HEATR1: variants seen among roughly 807,000 people sequenced by gnomAD.
The protein encoded by HEATR1 is HEAT repeat containing 1.
HEATR1 carries 77 observed loss-of-function variants against 248.2 expected under a neutral mutation model. That is an observed-to-expected ratio of 0.31 (90% CI 0.26 to 0.37). The LOEUF is 0.37. Ranked by LOEUF, HEATR1 falls within the 10% of genes least tolerant of loss-of-function variation. The pLI is 1.00. For missense variants in HEATR1, 2,420 were observed against 2,504.9 expected (o/e 0.97, Z 0.72); for synonymous variants, 897 against 923.1 (o/e 0.97, Z 0.51).
rs760107933 is a variant in HEATR1 at position 236,554,688 on chromosome 1, C to G, written c.5988G>C (p.Leu1996Phe). 1 of 1,613,136 alleles carries G rather than the reference C, an allele frequency of 6.2e-7. No individual in the cohort carries two copies. The highest frequency in any genetic ancestry group is 8.5e-7 in the Non-Finnish European group (1 of 1,179,650). Reference sequence around the variant, plus strand: ...AAAGGAAGATTTTGTATAAACAGTTCAAAATAAACTGCAACAGCAAGCAGC... The same window carrying G: ...AAAGGAAGATTTTGTATAAACAGTTGAAAATAAACTGCAACAGCAAGCAGC... ...EKCCLLLQFI[L>F]NCLYKIFLFD... Residue 1996 changes from leucine to phenylalanine, a missense_variant, in exon 42 of 45, where the codon TTG becomes TTC. By Grantham distance (22) the Leu-to-Phe change is conservative. Transcript: ENST00000366582.
At chr1:236,571,800 T>A in intron 26 of HEATR1, 114 bp from the exon 27 acceptor site, 1 of 713,924 alleles carries the variant, frequency 1.4e-6, no homozygotes, top group South Asian at 1.6e-5. Context: ...CAATAAGGAA[T>A]AACTAAAATA....
At chr1:236,557,495 T>A (rs1400447842) in intron 36 of HEATR1, 150 bp from the exon 37 acceptor site, 1 of 743,954 alleles carries the variant, frequency 1.3e-6, no homozygotes, top group Admixed American at 2.9e-5. Flanking sequence ...ATACATTTTA[T>A]GTGGCTAAGC....
intron 28 of HEATR1, among the ~76,000 whole-genome samples, chr1:236,570,084 C>T (rs546857534): frequency 1.3e-5 from 2 of 152,124 alleles, no homozygotes; most frequent in South Asian, 2.1e-4. Flanking sequence ...ATCAGGAGAT[C>T]GAGACCATCC....
rs776445716 is a variant in HEATR1 at position 236,582,817 on chromosome 1, G to C, written c.2481C>G (p.His827Gln). 1.9e-6 allele frequency: 3 copies of C among 1,614,046 alleles called. No homozygotes were observed. The highest frequency in any genetic ancestry group is 2.5e-6 in the Non-Finnish European group (3 of 1,179,884). ...QLKEDSRDYL[H>Q]LLIGLFEMML... is the part of the protein sequence containing the mutation. ...TCATCTCAAACAGCCCAATGAGCAA[G>C]TGCAGATAGTCCCTGCTGTCTTCTT... is the stretch of plus-strand genomic sequence containing the variant. The change falls in exon 19 of 45, where the codon CAC (histidine) becomes CAG (glutamine). Residue 827 changes from histidine to glutamine, a missense_variant. By Grantham distance (24) the His-to-Gln change is conservative. Transcript: ENST00000366582.
At chr1:236,563,122 A>C (rs1380943457) in intron 32 of HEATR1, among the ~76,000 whole-genome samples, 1 of 152,168 alleles carries the variant, frequency 6.6e-6, no homozygotes, top group Non-Finnish European at 1.5e-5. Flanking sequence ...AATAGAAACA[A>C]TGACAGAGGA....
Position 236,603,168 on chromosome 1 carries a change from C to T in HEATR1, c.351G>A (p.Leu117=). The stretch of plus-strand genomic sequence containing the variant: ...GTAATTCTATTAGCTACCTGTGAAT[C>T]AACCACTCCAGACACTTCTGTGCTG... ...LKPAQKCLEW[L]IHRFHIHLYN... is the part of the protein sequence containing the mutation. Residue 117 remains leucine (L), a synonymous_variant, in exon 3 of 45, where the codon TTG becomes TTA. Transcript: ENST00000366582. 6.2e-7 allele frequency: 1 copy of T among 1,611,422 alleles called. No homozygotes were observed. Among genetic ancestry groups the T allele is most frequent in the Non-Finnish European group, 8.5e-7 (1 of 1,177,618 alleles).
intron 3 of HEATR1, among the ~76,000 whole-genome samples, chr1:236,602,043 G>A (rs770087881): frequency 1.3e-5 from 2 of 152,028 alleles, no homozygotes; most frequent in Non-Finnish European, 2.9e-5. Flanking sequence ...GGAGGCTGAG[G>A]CAGGAGAATT....
intron 9 of HEATR1, 73 bp from the exon 10 acceptor site, chr1:236,592,706 T>A: frequency 1.6e-6 from 1 of 612,662 alleles, no homozygotes; most frequent in Non-Finnish European, 2.9e-6. Context: ...ATATTCTAAG[T>A]GCTTTAGAAA....
intron 3 of HEATR1, among the ~76,000 whole-genome samples, chr1:236,600,298 T>C (rs1664287050): frequency 2.6e-5 from 4 of 151,320 alleles, no homozygotes; most frequent in Admixed American, 2.6e-4. Flanking sequence ...AGCTAATTTT[T>C]TTTTTTTACT....
intron 30 of HEATR1, 112 bp downstream of exon 30, chr1:236,566,534 G>A (rs7544230): frequency 0.064 from 51,427 of 803,486 alleles, 3,713 homozygotes; most frequent in African/African-American, 0.28. Flanking sequence ...GAGCAAAAAG[G>A]TTCTAAATAA....
chr1:236,574,822 C>T lies in HEATR1; in HGVS notation c.3166G>A (p.Glu1056Lys), dbSNP rs919467404. The T allele has an allele frequency of 1.9e-6, 3 of 1,614,044 alleles. No individual in the cohort carries two copies. In the Admixed American group the frequency reaches 5.0e-5, roughly 27 times the overall value. Reference protein sequence around the residue: ...QKEPTAVLKDEAMVLHLTLGK... With the variant: ...QKEPTAVLKDKAMVLHLTLGK... ...AGAGTGAGATGCAGAACCATGGCCT[C>T]ATCTTTCAGCACAGCTGTGGGCTCC... The change falls in exon 23 of 45, where the codon GAG (glutamate) becomes AAG (lysine). Residue 1056 changes from glutamate (E) to lysine (K), a missense_variant. By Grantham distance (56) the Glu-to-Lys change is moderately conservative (BLOSUM62 1). Coordinates refer to ENST00000366582, the MANE Select transcript of HEATR1 (RefSeq NM_018072.6).
intron 22 of HEATR1, among the ~76,000 whole-genome samples, chr1:236,575,827 A>G (rs895880277): frequency 2.0e-5 from 3 of 152,172 alleles, no homozygotes; most frequent in African/African-American, 7.2e-5. Flanking sequence ...ATAATAAACG[A>G]GCAAATGATT....
intron 20 of HEATR1, 45 bp from the exon 21 acceptor site, chr1:236,576,994 T>C (rs1278249311): frequency 2.0e-6 from 3 of 1,466,126 alleles, no homozygotes; most frequent in Non-Finnish European, 1.8e-6. Flanking sequence ...TTTTAAAAAC[T>C]GAAACAGTAC....
At chr1:236,558,142 C>CT in intron 36 of HEATR1, 95 bp downstream of exon 36, 1 of 1,305,260 alleles carries the variant, frequency 7.7e-7, no homozygotes, top group Non-Finnish European at 1.1e-6. Flanking sequence ...TATGCAACGT[C>CT]TACTCAGAGG....
intron 32 of HEATR1, among the ~76,000 whole-genome samples, chr1:236,563,763 C>A (rs1663198200): frequency 1.3e-5 from 2 of 152,148 alleles, no homozygotes; most frequent in Admixed American, 1.3e-4. Context: ...ATTGTTTAAA[C>A]AAGTTTAATA....
chr1:236,582,258 C>T (rs1663771095), intron 19 of HEATR1, among the ~76,000 whole-genome samples: 1 of 152,114 alleles, frequency 6.6e-6, no homozygotes, highest in African/African-American at 2.4e-5. Flanking sequence ...GAGCCCGCCA[C>T]CACACCCGGC....
In HEATR1 at chr1:236,597,883, C is replaced by G. The variant is rs1664217951; in HGVS notation, c.598G>C (p.Val200Leu). The G allele has an allele frequency of 6.2e-7, 1 of 1,609,626 alleles. No individual in the cohort carries two copies. The highest frequency in any genetic ancestry group is 1.7e-5 in the Admixed American group (1 of 59,850). The change falls in exon 5 of 45, where the codon GTG becomes CTG. Residue 200 changes from valine (V) to leucine (L), a missense_variant. Transcript: ENST00000366582. Reference sequence around the variant, plus strand: ...TCATGAAACAGACTGCTCACCTTCACAGATTTTGTCACCAAACTGCAAATG... The same window carrying G: ...TCATGAAACAGACTGCTCACCTTCAGAGATTTTGTCACCAAACTGCAAATG... ...DFICSLVTKS[V>L]KVFAEYPGSS...
intron 17 of HEATR1, 95 bp from the exon 18 acceptor site, chr1:236,583,291 A>C: frequency 1.8e-6 from 2 of 1,092,334 alleles, no homozygotes; most frequent in East Asian, 4.8e-5. Context: ...AGTTTTGTTT[A>C]TGTGTGCATT....
At position 236,550,135 on chromosome 1, in the gene HEATR1, C is replaced by T. The variant is rs1209227711; in HGVS notation, c.*767G>A. The T allele has an allele frequency of 1.3e-5, 2 of 152,218 alleles. No homozygotes were observed. The highest frequency in any genetic ancestry group is 4.8e-5 in the African/African-American group (2 of 41,464). 9.4% of individuals were successfully genotyped at this position (152,218 alleles called of 1,614,324 possible). ...AAGCATTGAAAAAAATCTACTGATA[C>T]TTACTTTCTTAGACAAGTAGTTCTT... On this transcript the variant is annotated 3_prime_UTR_variant, in exon 45 of 45. Coordinates refer to ENST00000366582, the MANE Select transcript of HEATR1 (RefSeq NM_018072.6).
Sources: gnomAD v4.1 joint callset for allele counts (sites outside exome capture counted in the v4.1 genomes callset) on GRCh38, gnomAD v4.1.1 for gene constraint, MANE v1.5 for transcripts, NCBI Gene and HGNC (gene_info 2026-07-23, HGNC 2026-07-21) for gene names.